Variants in PDE1C observed in about 807,000 individuals in gnomAD.
PDE1C encodes the protein phosphodiesterase 1C.
A neutral mutation model predicts 93.1 loss-of-function variants in PDE1C; 62 were observed. The ratio of observed to expected loss-of-function variants is 0.67; its 90% CI spans 0.54 to 0.82. PDE1C has a LOEUF of 0.82. Among genes scored for constraint, PDE1C ranks in the 40% least tolerant of loss-of-function variants. The pLI is 0.00. For missense variants in PDE1C, 742 were observed against 884.6 expected (o/e 0.84, Z 2.04); for synonymous variants, 325 against 310.1 (o/e 1.05, Z -0.50).
At chr7:32,381,556 C>G (rs866212586) in intron 1 of PDE1C, among the ~76,000 whole-genome samples, 1 of 152,146 alleles carries the variant, frequency 6.6e-6, no homozygotes, top group Non-Finnish European at 1.5e-5. Flanking sequence ...CTCTGAAAGC[C>G]CAAGCATACT....
At chr7:32,063,801 C>A (rs1331338532) in intron 1 of PDE1C, among the ~76,000 whole-genome samples, 1 of 152,220 alleles carries the variant, frequency 6.6e-6, no homozygotes, top group African/African-American at 2.4e-5. Flanking sequence ...CATGTAGCGT[C>A]CACATCACTT....
chr7:32,356,189 A>G (rs1178300258), intron 1 of PDE1C, among the ~76,000 whole-genome samples: 1 of 152,236 alleles, frequency 6.6e-6, no homozygotes, highest in Non-Finnish European at 1.5e-5. Context: ...GCAGAGGATC[A>G]CCAAGGCTCC....
At chr7:31,988,360 A>C (rs1235298678) in intron 2 of PDE1C, among the ~76,000 whole-genome samples, 1 of 152,234 alleles carries the variant, frequency 6.6e-6, no homozygotes, top group Non-Finnish European at 1.5e-5. Context: ...TAATGCCAAC[A>C]TGTATAAGTC....
chr7:31,783,371 C>G (rs909891161), intron 16 of PDE1C: 1 of 151,988 alleles, frequency 6.6e-6, no homozygotes, highest in African/African-American at 2.4e-5. Context: ...GGCAAAGGCA[C>G]TTGGTGCCTG....
intron 1 of PDE1C, among the ~76,000 whole-genome samples, chr7:32,422,833 T>C (rs1045079278): frequency 2.0e-5 from 3 of 152,116 alleles, no homozygotes; most frequent in African/African-American, 7.2e-5. Flanking sequence ...GTTTTAGAAA[T>C]TGGCAAGAGA....
chr7:31,991,083 T>C (rs1311027946), intron 2 of PDE1C, among the ~76,000 whole-genome samples: 2 of 152,186 alleles, frequency 1.3e-5, no homozygotes, highest in Non-Finnish European at 2.9e-5. Flanking sequence ...GCTATAAATA[T>C]CCAACTTACA....
At chr7:32,244,677 C>T (rs1436793899) in intron 1 of PDE1C, among the ~76,000 whole-genome samples, 1 of 152,200 alleles carries the variant, frequency 6.6e-6, no homozygotes, top group African/African-American at 2.4e-5. Context: ...ATCTTCCCAT[C>T]ACAGAGCTAT....
rs1156567528 is a variant in PDE1C at position 32,338,958 on chromosome 7, G to A, written c.310+88864C>T. The stretch of plus-strand genomic sequence containing the variant: ...GTGGAGCTTGCAGTGACCCGAGATC[G>A]TGCCACTGCACTCCAGCCTGGGCGA... On this transcript the variant is annotated intron_variant, in intron 1 of 1. Coordinates refer to the PDE1C transcript ENST00000672256. 4.6e-5 allele frequency among the ~76,000 whole-genome samples: 7 copies of A among 151,490 alleles called. No homozygotes were observed. The South Asian group carries it at 8.3e-4, about 18-fold the overall frequency.
intron 2 of PDE1C, among the ~76,000 whole-genome samples, chr7:32,197,712 T>C (rs1804718088): frequency 6.6e-6 from 1 of 152,180 alleles, no homozygotes; most frequent in Non-Finnish European, 1.5e-5. Context: ...AGACCACATA[T>C]TGTATGACTT....
At chr7:32,287,368 A>T (rs1396190702) in intron 1 of PDE1C, among the ~76,000 whole-genome samples, 3 of 152,156 alleles carry the variant, frequency 2.0e-5, no homozygotes, top group Admixed American at 1.3e-4. Context: ...ATCCACCTGG[A>T]GGCTCTCCCA....
chr7:31,806,945 T>G (rs997162971), intron 16 of PDE1C, among the ~76,000 whole-genome samples: 1 of 151,968 alleles, frequency 6.6e-6, no homozygotes, highest in Non-Finnish European at 1.5e-5. Context: ...ACATATTTCC[T>G]TTTTAAATTT....
chr7:31,948,927 A>G (rs1806987626), intron 2 of PDE1C, among the ~76,000 whole-genome samples: 1 of 152,176 alleles, frequency 6.6e-6, no homozygotes, highest in South Asian at 2.1e-4. Flanking sequence ...CTAATCTTAC[A>G]GTAATCCTAA....
chr7:31,916,187 T>C (rs1801890776), intron 2 of PDE1C, among the ~76,000 whole-genome samples: 1 of 152,150 alleles, frequency 6.6e-6, no homozygotes, highest in Admixed American at 6.6e-5. Context: ...GTACTGAACC[T>C]TGTTATATTA....
chr7:31,793,923 C>T (rs1268172869), intron 16 of PDE1C, among the ~76,000 whole-genome samples: 1 of 151,750 alleles, frequency 6.6e-6, no homozygotes, highest in African/African-American at 2.4e-5. Flanking sequence ...AAAATCCTCT[C>T]ATCATGTATT....
At chr7:32,333,385 G>A (rs1783550800) in intron 1 of PDE1C, among the ~76,000 whole-genome samples, 1 of 152,062 alleles carries the variant, frequency 6.6e-6, no homozygotes, top group Non-Finnish European at 1.5e-5. Flanking sequence ...ACACACCCAT[G>A]AGCCCCAAGG....
At chr7:31,983,168 G>A (rs749117398) in intron 2 of PDE1C, among the ~76,000 whole-genome samples, 34 of 152,146 alleles carry the variant, frequency 2.2e-4, no homozygotes, top group Non-Finnish European at 4.6e-4. Flanking sequence ...TTGCTCCAGG[G>A]CTAAGTGATG....
chr7:32,225,262 G>A (rs1314262624), intron 1 of PDE1C, among the ~76,000 whole-genome samples: 2 of 151,990 alleles, frequency 1.3e-5, no homozygotes, highest in East Asian at 3.9e-4. Flanking sequence ...CTTCATGGAC[G>A]CACCTGATTG....
At chr7:31,749,673 T>G (rs1472768275), downstream of PDE1C, among the ~76,000 whole-genome samples, 1 of 151,488 alleles carries the variant, frequency 6.6e-6, no homozygotes, top group Non-Finnish European at 1.5e-5. Flanking sequence ...GCTTCGGGAA[T>G]CCACAGCCTG....
chr7:32,300,902 A>G (rs756823670), upstream of PDE1C, among the ~76,000 whole-genome samples: 3 of 151,956 alleles, frequency 2.0e-5, no homozygotes, highest in Non-Finnish European at 2.9e-5. Context: ...CAGTGGTGCA[A>G]TCATGGCTCA....
Sources: gnomAD v4.1 joint callset for allele counts (sites outside exome capture counted in the v4.1 genomes callset) on GRCh38, gnomAD v4.1.1 for gene constraint, MANE v1.5 for transcripts, NCBI Gene and HGNC (gene_info 2026-07-23, HGNC 2026-07-21) for gene names.